EPB41L4A: variants seen among roughly 807,000 people sequenced by gnomAD.
EPB41L4A encodes band 4.1-like protein 4A.
EPB41L4A carries 100 observed loss-of-function variants against 108.6 expected under a neutral mutation model. The observed-to-expected ratio is 0.92, with a 90% CI of 0.78 to 1.09. The LOEUF (loss-of-function observed/expected upper bound fraction) is 1.09, where lower values mean the gene tolerates loss of function less well. Ranked by LOEUF, EPB41L4A falls within the 50% of genes least tolerant of loss-of-function variation. The pLI is 0.00. For missense variants in EPB41L4A, 1,030 were observed against 842.7 expected (o/e 1.22, Z -2.75); for synonymous variants, 319 against 289.0 (o/e 1.10, Z -1.05).
chr5:112,365,836 T>C (rs1023763622), intron 1 of EPB41L4A, among the ~76,000 whole-genome samples: 1 of 152,196 alleles, frequency 6.6e-6, no homozygotes, highest in Non-Finnish European at 1.5e-5. Context: ...GCCCCTCAAT[T>C]TGAGTTTGTC....
chr5:112,353,493 C>T (rs930609205), intron 1 of EPB41L4A, among the ~76,000 whole-genome samples: 4 of 151,584 alleles, frequency 2.6e-5, no homozygotes, highest in Non-Finnish European at 5.9e-5. Flanking sequence ...ATGAGCTGAG[C>T]AGGCCAGTCC....
chr5:112,277,843 T>C (rs1474849397), intron 3 of EPB41L4A, among the ~76,000 whole-genome samples: 1 of 152,206 alleles, frequency 6.6e-6, no homozygotes, highest in East Asian at 1.9e-4. Context: ...AAAAGTAAGG[T>C]GCTGATAATT....
rs111541252 is a variant in EPB41L4A, at chr5:112,210,364, A to G, written c.1088-382T>C. On this transcript the variant is annotated intron_variant, in intron 12 of 22. Transcript: ENST00000261486. ...ATGACTACTTGTGAAGAAGTTTCTC[A>G]GCATATCATGACAGTCCCCATTTGA... Among the ~76,000 whole-genome samples the G allele has an allele frequency of 2.6e-5, 4 of 152,338 alleles. 1 individual carries two copies. Among genetic ancestry groups the G allele is most frequent in the African/African-American group, 9.6e-5 (4 of 41,574 alleles).
intron 7 of EPB41L4A, among the ~76,000 whole-genome samples, chr5:112,262,107 G>A (rs1198702365): frequency 6.6e-6 from 1 of 152,012 alleles, no homozygotes; most frequent in East Asian, 1.9e-4. Context: ...GGCCAGGCTG[G>A]TCTCAAACTC....
intron 4 of EPB41L4A, among the ~76,000 whole-genome samples, chr5:112,268,753 G>C (rs1181866673): frequency 6.9e-6 from 1 of 145,038 alleles, no homozygotes; most frequent in Admixed American, 7.4e-5. Flanking sequence ...TGAGGCAGGA[G>C]GATCGTCTGA....
At chr5:112,300,396 T>A (rs1754276469) in intron 2 of EPB41L4A, among the ~76,000 whole-genome samples, 1 of 152,200 alleles carries the variant, frequency 6.6e-6, no homozygotes, top group Non-Finnish European at 1.5e-5. Context: ...TATCTTTTCT[T>A]CATTTATGAA....
At chr5:112,221,374 G>A (rs960374000) in intron 12 of EPB41L4A, among the ~76,000 whole-genome samples, 1 of 152,292 alleles carries the variant, frequency 6.6e-6, no homozygotes, top group Admixed American at 6.5e-5. Context: ...AGTGTACAAG[G>A]TTGAAAGTCC....
chr5:112,401,130 C>T (rs1398494644), intron 1 of EPB41L4A, among the ~76,000 whole-genome samples: 1 of 152,144 alleles, frequency 6.6e-6, no homozygotes, highest in Non-Finnish European at 1.5e-5. Context: ...TTTCCTGGCC[C>T]CTATCTGTCC....
At chr5:112,339,081 G>A (rs911865709) in intron 1 of EPB41L4A, among the ~76,000 whole-genome samples, 2 of 152,128 alleles carry the variant, frequency 1.3e-5, no homozygotes, top group Non-Finnish European at 2.9e-5. Context: ...AGATACTGGA[G>A]GGAAAAATCA....
chr5:112,317,614 TC>T (rs1473747894), intron 1 of EPB41L4A, among the ~76,000 whole-genome samples: 4 of 152,294 alleles, frequency 2.6e-5, no homozygotes, highest in African/African-American at 9.6e-5. Flanking sequence ...TCTCTCACAA[TC>T]ATAGAGTTTT....
chr5:112,209,019 T>G (rs995741451), intron 13 of EPB41L4A, among the ~76,000 whole-genome samples: 1 of 152,220 alleles, frequency 6.6e-6, no homozygotes, highest in African/African-American at 2.4e-5. Context: ...ATATTAAAAC[T>G]CTGAGAATCT....
chr5:112,167,952 T>C lies in EPB41L4A; in HGVS notation c.1932+787A>G, dbSNP rs17319480. Among the ~76,000 whole-genome samples the C allele has an allele frequency of 7.3e-3, 1,116 of 152,324 alleles. 7 individuals carry two copies. Among genetic ancestry groups the C allele is most frequent in the Middle Eastern group, 0.01 (3 of 294 alleles). The stretch of plus-strand genomic sequence containing the variant: ...TTTTTATGGGATGAGAGTCAGTAGA[T>C]ACAACTGGCTTTTCTAAAGGATCCA... On this transcript the variant is annotated intron_variant, in intron 22 of 22. Coordinates refer to ENST00000261486, the MANE Select transcript of EPB41L4A (RefSeq NM_022140.5).
chr5:112,411,172 G>C (rs1762388789), intron 1 of EPB41L4A, among the ~76,000 whole-genome samples: 1 of 152,182 alleles, frequency 6.6e-6, no homozygotes. Context: ...GTGATGGCTG[G>C]CTTAGGCATC....
chr5:112,197,148 C>G (rs1762003205), intron 15 of EPB41L4A, among the ~76,000 whole-genome samples: 1 of 152,182 alleles, frequency 6.6e-6, no homozygotes, highest in Admixed American at 6.5e-5. Context: ...CTAGCAGACT[C>G]TTTTTACAAG....
chr5:112,342,046 T>C (rs1029420564), intron 1 of EPB41L4A, among the ~76,000 whole-genome samples: 1 of 152,128 alleles, frequency 6.6e-6, no homozygotes, highest in Admixed American at 6.6e-5. Context: ...TCACGAAACA[T>C]TATGCAACTA....
rs768788686 is a variant in EPB41L4A, at chr5:112,164,087, T to C, written c.*903A>G. ...GAATTAGATGGCCAAGCAGGGTGGATGGATCATTTGAGGTTTGGGGTGACA... is the reference window on the plus strand; with the variant it reads ...GAATTAGATGGCCAAGCAGGGTGGACGGATCATTTGAGGTTTGGGGTGACA... On this transcript the variant is annotated 3_prime_UTR_variant, in exon 23 of 23. Coordinates refer to ENST00000261486, the MANE Select transcript of EPB41L4A (RefSeq NM_022140.5). 3 of 152,208 alleles carry C rather than the reference T, an allele frequency of 2.0e-5. No individual in the cohort carries two copies. Among genetic ancestry groups the C allele is most frequent in the Non-Finnish European group, 4.4e-5 (3 of 68,054 alleles). The allele number at this position is 152,208 out of a possible 1,614,324, so 9.4% of individuals were successfully genotyped here.
Position 112,418,430 on chromosome 5 carries a change from A to G in EPB41L4A, c.99+511T>C, listed in dbSNP as rs532864780. On this transcript the variant is annotated intron_variant, in intron 1 of 22. Coordinates refer to ENST00000261486, the MANE Select transcript of EPB41L4A (RefSeq NM_022140.5). ...ACCCAGGTCGCTGTAGAAAGGGAAA[A>G]TATTTTCCGTCCAAACGTAGCATTA... 7.2e-5 allele frequency among the ~76,000 whole-genome samples: 11 copies of G among 152,290 alleles called. No homozygotes were observed. In the East Asian group the frequency reaches 2.1e-3, roughly 29 times the overall value.
chr5:112,228,829 T>C (rs1748660305), intron 12 of EPB41L4A: 2 of 742,452 alleles, frequency 2.7e-6, no homozygotes, highest in South Asian at 6.1e-5. Context: ...AGGAATGCTC[T>C]GGCTGCCTGC....
chr5:112,211,565 G>A (rs966988440), intron 12 of EPB41L4A, among the ~76,000 whole-genome samples: 1 of 149,656 alleles, frequency 6.7e-6, no homozygotes, highest in Non-Finnish European at 1.5e-5. Flanking sequence ...TCCAGCCCTG[G>A]CTACAGAGCG....
Sources: allele counts gnomAD v4.1 joint callset (sites outside exome capture counted in the v4.1 genomes callset), GRCh38; gene constraint gnomAD v4.1.1; transcripts MANE v1.5; gene names NCBI Gene and HGNC (gene_info 2026-07-23, HGNC 2026-07-21).